The following ADAMTS17 variants were observed in gnomAD, a reference collection of about 807,000 sequenced individuals.
ADAMTS17 encodes the protein ADAM metallopeptidase with thrombospondin type 1 motif 17, also known as A disintegrin and metalloproteinase with thrombospondin motifs 17.
Under a neutral mutation model 141.5 loss-of-function variants are expected in ADAMTS17, and 113 were observed. That is an observed-to-expected ratio of 0.80 (90% CI 0.69 to 0.93). The LOEUF (loss-of-function observed/expected upper bound fraction) is 0.93, where lower values mean the gene tolerates loss of function less well. ADAMTS17 is among the 40% of genes least tolerant of loss of function. The probability of loss-of-function intolerance (pLI) is 0.00; values close to 1 mark genes in which losing one functional copy is unlikely to be tolerated. For synonymous variants in ADAMTS17, 768 were observed against 630.6 expected (o/e 1.22, Z -3.27); for missense variants, 1,659 against 1,517.9 (o/e 1.09, Z -1.54).
intron 3 of ADAMTS17, among the ~76,000 whole-genome samples, chr15:100,312,148 G>T (rs2045425899): frequency 6.6e-6 from 1 of 152,224 alleles, no homozygotes; most frequent in Non-Finnish European, 1.5e-5. Flanking sequence ...ATGGTAAACG[G>T]GGCTTTGCAA....
At chr15:99,995,882 G>A (rs1450599503) in intron 19 of ADAMTS17, among the ~76,000 whole-genome samples, 1 of 152,126 alleles carries the variant, frequency 6.6e-6, no homozygotes, top group Non-Finnish European at 1.5e-5. Flanking sequence ...GTGCTCGTTC[G>A]GGATTAGGAT....
At chr15:100,137,131 G>A (rs1435743791) in intron 10 of ADAMTS17, among the ~76,000 whole-genome samples, 1 of 152,200 alleles carries the variant, frequency 6.6e-6, no homozygotes, top group Non-Finnish European at 1.5e-5. Flanking sequence ...GGCCAACTAA[G>A]AAATGACTGA....
chr15:100,005,752 A>G (rs2061025516), intron 18 of ADAMTS17, among the ~76,000 whole-genome samples: 1 of 152,208 alleles, frequency 6.6e-6, no homozygotes, highest in South Asian at 2.1e-4. Context: ...ATTGTCGATA[A>G]AAGTATCACG....
intron 12 of ADAMTS17, among the ~76,000 whole-genome samples, chr15:100,127,677 G>T (rs2037815135): frequency 6.6e-6 from 1 of 152,208 alleles, no homozygotes; most frequent in Non-Finnish European, 1.5e-5. Flanking sequence ...CACCTCCCGG[G>T]TACAAGCGAT....
chr15:100,107,083 C>T (rs2036455585), intron 14 of ADAMTS17, among the ~76,000 whole-genome samples: 1 of 152,182 alleles, frequency 6.6e-6, no homozygotes, highest in Non-Finnish European at 1.5e-5. Flanking sequence ...TGAAAAATCC[C>T]AGTTTCAGAC....
intron 2 of ADAMTS17, among the ~76,000 whole-genome samples, chr15:100,339,841 A>AC (rs2046312234): frequency 6.6e-6 from 1 of 152,222 alleles, no homozygotes; most frequent in African/African-American, 2.4e-5. Flanking sequence ...GATCTAGGAA[A>AC]CTACACACAG....
chr15:100,259,678 C>T (rs773534108), intron 6 of ADAMTS17, among the ~76,000 whole-genome samples: 49 of 152,312 alleles, frequency 3.2e-4, no homozygotes, highest in Admixed American at 5.2e-4. Flanking sequence ...TTAATCATAT[C>T]CTGTAGAAGC....
At chr15:99,989,406 C>T (rs945419785) in intron 20 of ADAMTS17, among the ~76,000 whole-genome samples, 10 of 152,172 alleles carry the variant, frequency 6.6e-5, no homozygotes, top group African/African-American at 2.2e-4. Flanking sequence ...AGGGCGTGAC[C>T]GCTAGGACCC....
At chr15:100,120,775 A>C (rs1243187604) in intron 12 of ADAMTS17, among the ~76,000 whole-genome samples, 1 of 152,262 alleles carries the variant, frequency 6.6e-6, no homozygotes, top group Non-Finnish European at 1.5e-5. Flanking sequence ...GAGTTACTGC[A>C]TTCTAAGATT....
rs549814738 is a variant in ADAMTS17 at position 100,070,248 on chromosome 15, C to T, written c.2138-16194G>A. 1.5e-4 allele frequency among the ~76,000 whole-genome samples: 22 copies of T among 142,276 alleles called. No homozygotes were observed. The South Asian group carries it at 4.0e-3, about 26-fold the overall frequency. The allele number at this position is 142,276 out of a possible 152,430, so 93.3% of individuals were successfully genotyped here. A position where few individuals can be genotyped will look rare whatever the true frequency, so the allele number is the denominator to read the frequency against. On this transcript the variant is annotated intron_variant, in intron 15 of 21. Transcript: ENST00000268070. ...AGCACCCAGATTCATAAAGCAAGTC[C>T]TGAGTGACCTACAAAGAGACTTAGA...
intron 12 of ADAMTS17, among the ~76,000 whole-genome samples, chr15:100,125,806 C>T (rs1309518993): frequency 6.6e-6 from 1 of 152,062 alleles, no homozygotes; most frequent in African/African-American, 2.4e-5. Context: ...ATAAAAATTC[C>T]AAGAGCTGTG....
At chr15:100,220,659 G>C (rs1008863067) in intron 7 of ADAMTS17, among the ~76,000 whole-genome samples, 14 of 152,140 alleles carry the variant, frequency 9.2e-5, no homozygotes. Context: ...GATGAAAGAT[G>C]TGAGATCACA....
intron 7 of ADAMTS17, among the ~76,000 whole-genome samples, chr15:100,253,123 C>T (rs967517749): frequency 4.6e-5 from 7 of 151,794 alleles, no homozygotes; most frequent in South Asian, 2.1e-4. Flanking sequence ...TAAACATACA[C>T]GATTCACAAT....
chr15:100,057,023 C>G (rs949399021), intron 15 of ADAMTS17, among the ~76,000 whole-genome samples: 3 of 152,054 alleles, frequency 2.0e-5, no homozygotes, highest in African/African-American at 7.2e-5. Flanking sequence ...GACAACGCCA[C>G]CCGCAGTGTG....
At chr15:100,018,291 T>A (rs2061331499) in intron 18 of ADAMTS17, among the ~76,000 whole-genome samples, 1 of 152,138 alleles carries the variant, frequency 6.6e-6, no homozygotes, top group Admixed American at 6.5e-5. Context: ...AGAAGACAAA[T>A]TGCCTAATCA....
intron 7 of ADAMTS17, among the ~76,000 whole-genome samples, chr15:100,222,104 G>A (rs576286980): frequency 9.2e-5 from 14 of 152,290 alleles, no homozygotes; most frequent in East Asian, 3.9e-4. Flanking sequence ...CTGCAGGAGC[G>A]GGATCAGCTG....
intron 7 of ADAMTS17, among the ~76,000 whole-genome samples, chr15:100,243,505 T>A (rs114629683): frequency 0.016 from 2,509 of 152,298 alleles, 50 homozygotes; most frequent in East Asian, 0.067. Flanking sequence ...AAGTGGTCAT[T>A]CTGGCTGGGT....
chr15:100,026,666 C>T (rs974735105), intron 18 of ADAMTS17, among the ~76,000 whole-genome samples: 15 of 152,318 alleles, frequency 9.8e-5, no homozygotes, highest in African/African-American at 3.4e-4. Context: ...GGGGATCCAC[C>T]ATCTTGTCTT....
At chr15:100,114,891 A>T (rs1344078066) in intron 13 of ADAMTS17, among the ~76,000 whole-genome samples, 2 of 152,206 alleles carry the variant, frequency 1.3e-5, no homozygotes, top group Non-Finnish European at 2.9e-5. Context: ...TTTAATCTGG[A>T]CTTGGAGAAA....
Sources: gnomAD v4.1 joint callset for allele counts (sites outside exome capture counted in the v4.1 genomes callset) on GRCh38, gnomAD v4.1.1 for gene constraint, MANE v1.5 for transcripts, NCBI Gene and HGNC (gene_info 2026-07-23, HGNC 2026-07-21) for gene names.